The following NBEA variants were observed in gnomAD, a reference collection of about 807,000 sequenced individuals.
NBEA encodes neurobeachin, also known as lysosomal-trafficking regulator 2.
In NBEA, 44 loss-of-function variants were observed where a neutral mutation model predicts 343.4. The observed-to-expected ratio is 0.13, with a 90% CI of 0.10 to 0.16. The LOEUF (loss-of-function observed/expected upper bound fraction) is 0.16. NBEA is among the 10% of genes least tolerant of loss of function. NBEA has a pLI of 1.00. For missense variants in NBEA, 2,555 were observed against 3,631.3 expected (o/e 0.70, Z 7.62); for synonymous variants, 1,175 against 1,238.7 (o/e 0.95, Z 1.08).
chr13:35,001,801 AAG>A (rs1340277992), intron 1 of NBEA, among the ~76,000 whole-genome samples: 8 of 152,108 alleles, frequency 5.3e-5, no homozygotes, highest in Non-Finnish European at 1.0e-4. Flanking sequence ...AAATAGCTAG[AAG>A]AGAGGATTTT....
intron 41 of NBEA, chr13:35,474,340 T>C (rs2075773908): frequency 6.6e-6 from 1 of 152,658 alleles, no homozygotes; most frequent in Non-Finnish European, 1.5e-5. Flanking sequence ...AGCGTTATTA[T>C]ATAAGCTGAA....
intron 1 of NBEA, among the ~76,000 whole-genome samples, chr13:34,987,130 T>C (rs2060577799): frequency 6.6e-6 from 1 of 151,172 alleles, no homozygotes; most frequent in Admixed American, 6.6e-5. Flanking sequence ...TGGCATGTTT[T>C]TGCAGTGGCT....
At chr13:35,604,343 C>T (rs1350479507) in intron 47 of NBEA, among the ~76,000 whole-genome samples, 1 of 151,894 alleles carries the variant, frequency 6.6e-6, no homozygotes, top group East Asian at 1.9e-4. Flanking sequence ...TTTCCTTTTT[C>T]GTTGTGGCCT....
intron 1 of NBEA, among the ~76,000 whole-genome samples, chr13:35,029,042 G>A (rs908911995): frequency 9.2e-5 from 14 of 151,404 alleles, no homozygotes; most frequent in African/African-American, 3.4e-4. Flanking sequence ...GTAGTATTGG[G>A]CTTCTTTCTT....
At chr13:35,489,324 C>T (rs1338065421) in intron 41 of NBEA, among the ~76,000 whole-genome samples, 2 of 151,782 alleles carry the variant, frequency 1.3e-5, no homozygotes, top group African/African-American at 2.4e-5. Flanking sequence ...AATGCACAAG[C>T]GGTCGTTTTA....
intron 34 of NBEA, among the ~76,000 whole-genome samples, chr13:35,277,357 C>T (rs2034663170): frequency 6.6e-6 from 1 of 152,016 alleles, no homozygotes; most frequent in East Asian, 1.9e-4. Flanking sequence ...CGCGGTGGCT[C>T]ACTACTGTAA....
At chr13:35,612,341 C>T (rs1257250771) in intron 48 of NBEA, among the ~76,000 whole-genome samples, 1 of 151,948 alleles carries the variant, frequency 6.6e-6, no homozygotes, top group African/African-American at 2.4e-5. Context: ...ACCGTGTTAG[C>T]CAGAGTGGTC....
intron 41 of NBEA, among the ~76,000 whole-genome samples, chr13:35,492,249 A>C (rs531097952): frequency 6.6e-6 from 1 of 152,048 alleles, no homozygotes; most frequent in African/African-American, 2.4e-5. Flanking sequence ...TTTAATGTAT[A>C]CTGCTCAAGA....
chr13:35,485,052 C>A (rs993553475), intron 41 of NBEA, among the ~76,000 whole-genome samples: 5 of 152,074 alleles, frequency 3.3e-5, no homozygotes, highest in Non-Finnish European at 5.9e-5. Context: ...TAGTAGCACC[C>A]ATTTGGTAAG....
chr13:35,022,841 T>G (rs894007465), intron 1 of NBEA, among the ~76,000 whole-genome samples: 18 of 152,164 alleles, frequency 1.2e-4, no homozygotes, highest in African/African-American at 4.1e-4. Flanking sequence ...GCTATACACA[T>G]AAATTACTCA....
intron 40 of NBEA, among the ~76,000 whole-genome samples, chr13:35,453,308 A>G (rs563613648): frequency 1.3e-5 from 2 of 152,316 alleles, no homozygotes; most frequent in East Asian, 3.9e-4. Context: ...GCTAGTTCCT[A>G]GATATTTCTA....
At chr13:35,575,190 T>C (rs1170635588) in intron 45 of NBEA, among the ~76,000 whole-genome samples, 1 of 152,208 alleles carries the variant, frequency 6.6e-6, no homozygotes, top group East Asian at 1.9e-4. Flanking sequence ...TTTATTATCG[T>C]TTCATGACTT....
chr13:35,584,930 A>C (rs2081227523), intron 46 of NBEA, among the ~76,000 whole-genome samples: 1 of 151,300 alleles, frequency 6.6e-6, no homozygotes, highest in Admixed American at 6.6e-5. Flanking sequence ...GAGCCACCAC[A>C]CCTAGCCCTG....
chr13:35,163,819 A>G (rs1593570468), intron 23 of NBEA, among the ~76,000 whole-genome samples: 3 of 152,034 alleles, frequency 2.0e-5, no homozygotes. Context: ...AGCAGTATAC[A>G]TTTCAATGTG....
At chr13:34,980,262 T>C (rs1383735114) in intron 1 of NBEA, among the ~76,000 whole-genome samples, 1 of 151,966 alleles carries the variant, frequency 6.6e-6, no homozygotes, top group Non-Finnish European at 1.5e-5. Context: ...CAATCCTGGG[T>C]ATGTTGAATA....
At chr13:35,603,316 CAT>C (rs1255697270) in intron 47 of NBEA, among the ~76,000 whole-genome samples, 2 of 152,174 alleles carry the variant, frequency 1.3e-5, no homozygotes, top group Non-Finnish European at 2.9e-5. Flanking sequence ...TCCAACAAAA[CAT>C]AAACCTCACA....
In NBEA at chr13:35,209,336, C is replaced by G. The variant is rs536262300; in HGVS notation, c.5521+482C>G. 1.6e-4 allele frequency among the ~76,000 whole-genome samples: 25 copies of G among 152,240 alleles called. No homozygotes were observed. The East Asian group carries it at 4.8e-3, about 29-fold the overall frequency. ...GAACCTTGACGATATGCAAGCGCCT[C>G]AACTTGATAAAAAGTGCATGTGAAT... On this transcript the variant is annotated intron_variant, in intron 32 of 58. Coordinates refer to ENST00000379939, the MANE Select transcript of NBEA (RefSeq NM_001385012.1).
At chr13:35,349,002 A>G (rs2040033161) in intron 36 of NBEA, 106 bp from the exon 37 acceptor site, 1 of 425,332 alleles carries the variant, frequency 2.4e-6, no homozygotes, top group Non-Finnish European at 4.2e-6. Flanking sequence ...ATCTAGCTTT[A>G]TCTAAAACTT....
chr13:34,985,908 T>C (rs113929235), intron 1 of NBEA, among the ~76,000 whole-genome samples: 1,635 of 151,014 alleles, frequency 0.011, 42 homozygotes, highest in African/African-American at 0.038. Context: ...TTATTGCATT[T>C]ATTTGATTCT....
Sources: allele counts gnomAD v4.1 joint callset (sites outside exome capture counted in the v4.1 genomes callset), GRCh38; gene constraint gnomAD v4.1.1; transcripts MANE v1.5; gene names NCBI Gene and HGNC (gene_info 2026-07-23, HGNC 2026-07-21).